Variants in PTPRJ observed in about 807,000 individuals in gnomAD.
PTPRJ encodes the protein receptor-type tyrosine-protein phosphatase eta.
A neutral mutation model predicts 141.3 loss-of-function variants in PTPRJ; 129 were observed. The observed-to-expected ratio is 0.91, with a 90% CI of 0.79 to 1.06. The LOEUF (loss-of-function observed/expected upper bound fraction) is 1.06. PTPRJ is among the 50% of genes least tolerant of loss of function. The probability of loss-of-function intolerance (pLI) is 0.00; values close to 1 mark genes in which losing one functional copy is unlikely to be tolerated. For missense variants in PTPRJ, 1,601 were observed against 1,679.7 expected, an observed-to-expected ratio of 0.95 and a Z score of 0.82; for synonymous variants, 610 against 640.5, an observed-to-expected ratio of 0.95 and a Z score of 0.72.
chr11:48,139,745 C>T lies in PTPRJ; in HGVS notation c.2412C>T (p.Pro804=), dbSNP rs757540346. 8 of 1,614,146 alleles carry T rather than the reference C, an allele frequency of 5.0e-6. No individual in the cohort carries two copies. The South Asian group carries it at 6.6e-5, about 13-fold the overall frequency. ...TTVSCGKMAA[P]TRNTCTTGIT... is the part of the protein sequence containing the mutation. ...TGTCCTGTGGAAAGATGGCAGCCCCCACCCGGAACACCTGCACTACTGGCA... is the reference window on the plus strand; with the variant it reads ...TGTCCTGTGGAAAGATGGCAGCCCCTACCCGGAACACCTGCACTACTGGCA... The change falls in exon 11 of 25, where the codon CCC becomes CCT. Residue 804 remains proline, a synonymous_variant. Coordinates refer to ENST00000418331, the MANE Select transcript of PTPRJ (RefSeq NM_002843.4).
At chr11:48,015,074 G>A (rs1565258351) in intron 1 of PTPRJ, among the ~76,000 whole-genome samples, 1 of 152,094 alleles carries the variant, frequency 6.6e-6, no homozygotes, top group Non-Finnish European at 1.5e-5. Flanking sequence ...TTTGGCAGCT[G>A]CATTGTCGTT....
chr11:48,000,586 T>A (rs1590393720), intron 1 of PTPRJ, among the ~76,000 whole-genome samples: 1 of 150,444 alleles, frequency 6.6e-6, no homozygotes. Flanking sequence ...CTCCCTCCCC[T>A]CCACCCTCCG....
chr11:48,075,325 G>A (rs1855373514), intron 1 of PTPRJ, among the ~76,000 whole-genome samples: 1 of 152,046 alleles, frequency 6.6e-6, no homozygotes, highest in African/African-American at 2.4e-5. Context: ...TGTATTTTGA[G>A]CATGTTGGCC....
intron 1 of PTPRJ, among the ~76,000 whole-genome samples, chr11:48,007,903 A>T (rs771923972): frequency 3.3e-5 from 5 of 152,230 alleles, no homozygotes; most frequent in Non-Finnish European, 7.3e-5. Context: ...AGAGAGGGGA[A>T]GTGACTTGCC....
intron 1 of PTPRJ, among the ~76,000 whole-genome samples, chr11:48,065,026 T>C (rs1855048661): frequency 4.1e-5 from 6 of 145,192 alleles, no homozygotes; most frequent in Admixed American, 4.1e-4. Context: ...TTTTTTTTTT[T>C]TTTTTGAGAC....
At position 48,168,577 on chromosome 11, in the gene PTPRJ, T is replaced by TATATATATAC. The variant is rs1555061333; in HGVS notation, c.*1220_*1221insTATACATATA. On this transcript the variant is annotated 3_prime_UTR_variant, in exon 25 of 25. Transcript: ENST00000418331. ...ATATATATATATATATATATATATA[T>TATATATATAC]ATATACACTAAGCTCTCAAAAACAG... The TATATATATAC allele has an allele frequency of 1.3e-4, 16 of 120,282 alleles. 1 individual carries two copies. Among genetic ancestry groups the TATATATATAC allele is most frequent in the African/African-American group, 5.0e-4 (16 of 31,856 alleles). The allele number at this position is 120,282 out of a possible 1,614,324, so 7.5% of individuals were successfully genotyped here. A position where few individuals can be genotyped will look rare whatever the true frequency, so the allele number is the denominator to read the frequency against.
intron 1 of PTPRJ, among the ~76,000 whole-genome samples, chr11:48,006,172 C>T (rs1312183818): frequency 6.6e-6 from 1 of 152,204 alleles, no homozygotes; most frequent in Non-Finnish European, 1.5e-5. Flanking sequence ...ACTCTTGGTG[C>T]AGCCTATGTG....
At chr11:48,081,127 C>A (rs1178885127) in intron 1 of PTPRJ, among the ~76,000 whole-genome samples, 1 of 152,246 alleles carries the variant, frequency 6.6e-6, no homozygotes, top group African/African-American at 2.4e-5. Flanking sequence ...TGCGGGTGGT[C>A]TGCAAACCAC....
At chr11:48,016,917 AT>A (rs1419047142) in intron 1 of PTPRJ, among the ~76,000 whole-genome samples, 2 of 151,714 alleles carry the variant, frequency 1.3e-5, no homozygotes, top group African/African-American at 4.8e-5. Flanking sequence ...TTTCCCATTT[AT>A]TTTTGTTTAT....
Position 48,159,949 on chromosome 11 carries a change from G to C in PTPRJ, c.3458G>C (p.Trp1153Ser). 1 of 1,613,846 alleles carries C rather than the reference G, an allele frequency of 6.2e-7. No homozygotes were observed. Among genetic ancestry groups the C allele is most frequent in the Non-Finnish European group, 8.5e-7 (1 of 1,179,866 alleles). The change falls in exon 22 of 25, where the codon TGG becomes TCG. Residue 1153 changes from tryptophan (W) to serine (S), a missense_variant. Physicochemically the swap from Trp to Ser is radical, Grantham distance 177. Coordinates refer to ENST00000418331, the MANE Select transcript of PTPRJ (RefSeq NM_002843.4). ...TTCTAGACCAAATGTGAGGAGTATT[G>C]GCCCTCCAAGCAGGCTCAGGACTAT... ...EQGRTKCEEY[W>S]PSKQAQDYGD...
chr11:48,053,054 T>G (rs1181726668), intron 1 of PTPRJ, among the ~76,000 whole-genome samples: 1 of 132,464 alleles, frequency 7.5e-6, no homozygotes, highest in African/African-American at 2.8e-5. Flanking sequence ...CCAGATATTG[T>G]TTTTTTTTTT....
intron 1 of PTPRJ, among the ~76,000 whole-genome samples, chr11:47,997,785 A>T (rs1854383127): frequency 6.6e-6 from 1 of 152,138 alleles, no homozygotes. Flanking sequence ...TTGCAAAGAG[A>T]TTCACTGCCA....
chr11:48,012,809 A>T (rs1469530715), intron 1 of PTPRJ, among the ~76,000 whole-genome samples: 1 of 152,158 alleles, frequency 6.6e-6, no homozygotes, highest in African/African-American at 2.4e-5. Context: ...CCATTTAAAA[A>T]GTATACAGTT....
At chr11:48,030,669 G>T (rs1361378903) in intron 1 of PTPRJ, among the ~76,000 whole-genome samples, 1 of 152,166 alleles carries the variant, frequency 6.6e-6, no homozygotes, top group Non-Finnish European at 1.5e-5. Context: ...CTTGAACCTG[G>T]GAGGTGGAGG....
chr11:48,120,465 G>A lies in PTPRJ; in HGVS notation c.353-538G>A, dbSNP rs532397073. 2.6e-5 allele frequency among the ~76,000 whole-genome samples: 4 copies of A among 152,150 alleles called. No homozygotes were observed. In the East Asian group the frequency reaches 5.8e-4, roughly 22 times the overall value. On this transcript the variant is annotated intron_variant, in intron 3 of 24. Transcript: ENST00000418331. ...TTTGAGATGGAGTCTCGGTCTTGTC[G>A]CCCAGGCTGGAGTGCAGTGGCGCGA...
At chr11:48,050,132 T>C (rs1318183216) in intron 1 of PTPRJ, among the ~76,000 whole-genome samples, 1 of 152,212 alleles carries the variant, frequency 6.6e-6, no homozygotes, top group Non-Finnish European at 1.5e-5. Flanking sequence ...TTCAGTCAGA[T>C]GGTTTGAGAA....
chr11:48,112,817 C>G lies in PTPRJ; in HGVS notation c.186C>G (p.Ser62Arg). The G allele has an allele frequency of 6.2e-7, 1 of 1,614,180 alleles. No homozygotes were observed. Among genetic ancestry groups the G allele is most frequent in the Non-Finnish European group, 8.5e-7 (1 of 1,180,022 alleles). The change falls in exon 3 of 25, where the codon AGC (serine) becomes AGG (arginine). Residue 62 changes from serine to arginine, a missense_variant. Transcript: ENST00000418331. ...GGGAAAATGGCATAACGCAGATCAG[C>G]AGTACAGCAGAATCCTTTCATAAAC... Reference protein sequence around the residue: ...ATGENGITQISSTAESFHKQN... With the variant: ...ATGENGITQIRSTAESFHKQN...
intron 1 of PTPRJ, among the ~76,000 whole-genome samples, chr11:48,108,208 A>G (rs754908355): frequency 1.3e-5 from 2 of 152,230 alleles, no homozygotes; most frequent in Non-Finnish European, 2.9e-5. Context: ...AAATGGGGAT[A>G]AAAATACCTC....
intron 1 of PTPRJ, among the ~76,000 whole-genome samples, chr11:47,994,310 A>C (rs531742776): frequency 6.6e-6 from 1 of 152,186 alleles, no homozygotes; most frequent in Non-Finnish European, 1.5e-5. Flanking sequence ...TTTATACTAC[A>C]ATAGGATAAC....
Sources: allele counts gnomAD v4.1 joint callset (sites outside exome capture counted in the v4.1 genomes callset), GRCh38; gene constraint gnomAD v4.1.1; transcripts MANE v1.5; gene names NCBI Gene and HGNC (gene_info 2026-07-23, HGNC 2026-07-21).